The following CA10 variants were observed in gnomAD, a reference collection of about 807,000 sequenced individuals.
The protein encoded by CA10 is carbonic anhydrase-related protein 10.
Under a neutral mutation model 44.2 loss-of-function variants are expected in CA10, and 14 were observed. That is an observed-to-expected ratio of 0.32 (90% CI 0.21 to 0.50). CA10 has a LOEUF of 0.50. Among genes scored for constraint, CA10 ranks in the 20% least tolerant of loss-of-function variants. The probability of loss-of-function intolerance (pLI) is 0.99; values close to 1 mark genes in which losing one functional copy is unlikely to be tolerated. For missense variants in CA10, 350 were observed against 409.7 expected, an observed-to-expected ratio of 0.85 and a Z score of 1.26; for synonymous variants, 159 against 141.6, an observed-to-expected ratio of 1.12 and a Z score of -0.87.
In CA10 at chr17:51,931,125, A is replaced by C. The variant is rs372980426; in HGVS notation, c.144T>G (p.Ser48=). The change falls in exon 3 of 9, where the codon TCT becomes TCG. Residue 48 remains serine, a synonymous_variant. Coordinates refer to ENST00000451037, the MANE Select transcript of CA10 (RefSeq NM_020178.5). The stretch of plus-strand genomic sequence containing the variant: ...AAGCTGAGTTCACCAATCCCCAGAA[A>C]GAAGGAACTAGAAACAAAAAGAAAT... ...VVQGSFVPVP[S]FWGLVNSAWN... is the part of the protein sequence containing the mutation. 9.9e-6 allele frequency: 16 copies of C among 1,613,014 alleles called. No individual in the cohort carries two copies. In the African/African-American group the frequency reaches 1.9e-4, roughly 19 times the overall value.
At chr17:52,132,149 T>C (rs1989256718) in intron 1 of CA10, among the ~76,000 whole-genome samples, 1 of 151,946 alleles carries the variant, frequency 6.6e-6, no homozygotes, top group African/African-American at 2.4e-5. Context: ...ATTATGTACA[T>C]GTACCCTAAA....
intron 3 of CA10, among the ~76,000 whole-genome samples, chr17:51,768,900 G>A (rs1445643618): frequency 3.9e-5 from 6 of 152,110 alleles, no homozygotes; most frequent in East Asian, 3.8e-4. Context: ...AAAGGAAAGG[G>A]CCAATGATGA....
intron 2 of CA10, among the ~76,000 whole-genome samples, chr17:51,934,579 G>A (rs1484360729): frequency 6.6e-6 from 1 of 152,072 alleles, no homozygotes; most frequent in Non-Finnish European, 1.5e-5. Context: ...ATAAACTTAG[G>A]ATTTTAAAGG....
intron 2 of CA10, among the ~76,000 whole-genome samples, chr17:51,937,875 T>C (rs976772232): frequency 6.6e-6 from 1 of 152,166 alleles, no homozygotes; most frequent in Admixed American, 6.5e-5. Context: ...ATTTTAATCC[T>C]ATTGCTTTAG....
At chr17:51,817,735 A>G (rs947502550) in intron 3 of CA10, among the ~76,000 whole-genome samples, 5 of 152,204 alleles carry the variant, frequency 3.3e-5, no homozygotes, top group African/African-American at 1.2e-4. Context: ...GGTTTGTCCC[A>G]TATCTTTGCA....
At chr17:51,668,984 C>T (rs926405701) in intron 4 of CA10, among the ~76,000 whole-genome samples, 8 of 152,212 alleles carry the variant, frequency 5.3e-5, no homozygotes, top group South Asian at 4.1e-4. Flanking sequence ...CTCGAATTCT[C>T]GCTGGGCCTC....
intron 1 of CA10, among the ~76,000 whole-genome samples, chr17:52,097,425 A>C (rs1349074560): frequency 6.6e-6 from 1 of 152,192 alleles, no homozygotes; most frequent in Non-Finnish European, 1.5e-5. Flanking sequence ...GACTGTTTGA[A>C]TAATTCTGGT....
chr17:52,121,275 G>A (rs780045409), intron 1 of CA10, among the ~76,000 whole-genome samples: 1 of 152,080 alleles, frequency 6.6e-6, no homozygotes. Flanking sequence ...CTCATCTCTG[G>A]TTAGTTGGTT....
intron 2 of CA10, among the ~76,000 whole-genome samples, chr17:51,946,388 T>C (rs988793446): frequency 6.6e-6 from 1 of 152,176 alleles, no homozygotes; most frequent in Non-Finnish European, 1.5e-5. Context: ...GATCAGATGC[T>C]TGTAGTATCT....
intron 2 of CA10, among the ~76,000 whole-genome samples, chr17:51,987,849 C>CA (rs1984898705): frequency 6.7e-6 from 1 of 148,418 alleles, no homozygotes; most frequent in African/African-American, 2.5e-5. Flanking sequence ...GCAGACTTGC[C>CA]ATGCAAAAAA....
chr17:52,093,111 A>G (rs1988312302), intron 1 of CA10, among the ~76,000 whole-genome samples: 1 of 152,146 alleles, frequency 6.6e-6, no homozygotes, highest in South Asian at 2.1e-4. Flanking sequence ...ATTAGTGAGG[A>G]CATACTGTTC....
intron 3 of CA10, among the ~76,000 whole-genome samples, chr17:51,750,375 A>G (rs1416934763): frequency 6.6e-6 from 1 of 152,166 alleles, no homozygotes; most frequent in Non-Finnish European, 1.5e-5. Context: ...ATGACTTTTT[A>G]TGTTATTCTA....
intron 3 of CA10, among the ~76,000 whole-genome samples, chr17:51,900,135 C>T (rs59324796): frequency 0.097 from 14,731 of 151,822 alleles, 890 homozygotes; most frequent in African/African-American, 0.18. Flanking sequence ...CAATATTCTA[C>T]ACATTTGTGT....
At chr17:51,952,764 G>A (rs1461919235) in intron 2 of CA10, among the ~76,000 whole-genome samples, 1 of 152,106 alleles carries the variant, frequency 6.6e-6, no homozygotes, top group South Asian at 2.1e-4. Context: ...CTCAGAGCAC[G>A]AGGCACAAGG....
chr17:51,953,980 T>C (rs1983576535), intron 2 of CA10, among the ~76,000 whole-genome samples: 2 of 152,166 alleles, frequency 1.3e-5, no homozygotes, highest in Admixed American at 1.3e-4. Context: ...TAAGTATTAC[T>C]CTGTTGTGAT....
chr17:51,874,976 TTTC>T (rs1979999848), intron 3 of CA10, among the ~76,000 whole-genome samples: 2 of 145,346 alleles, frequency 1.4e-5, no homozygotes, highest in African/African-American at 5.0e-5. Flanking sequence ...TTTCTTTTCT[TTTC>T]TTTTCTTTTC....
chr17:51,846,267 T>C (rs1363819467), intron 3 of CA10, among the ~76,000 whole-genome samples: 1 of 152,200 alleles, frequency 6.6e-6, no homozygotes, highest in African/African-American at 2.4e-5. Flanking sequence ...ATCCATCCAA[T>C]GTTGAAGAAG....
At chr17:51,650,189 G>T (rs1241098423) in intron 5 of CA10, among the ~76,000 whole-genome samples, 1 of 152,074 alleles carries the variant, frequency 6.6e-6, no homozygotes, top group East Asian at 1.9e-4. Context: ...CTGTGATGTG[G>T]CCCTACATAA....
intron 2 of CA10, among the ~76,000 whole-genome samples, chr17:52,064,021 T>C (rs1053382379): frequency 2.0e-5 from 3 of 152,248 alleles, no homozygotes; most frequent in Non-Finnish European, 4.4e-5. Flanking sequence ...AAAAGGCATG[T>C]TATACTGAAT....
Sources: gnomAD v4.1 joint callset for allele counts (sites outside exome capture counted in the v4.1 genomes callset) on GRCh38, gnomAD v4.1.1 for gene constraint, MANE v1.5 for transcripts, NCBI Gene and HGNC (gene_info 2026-07-23, HGNC 2026-07-21) for gene names.